Variants in PRKN observed in about 807,000 individuals in gnomAD.
PRKN encodes E3 ubiquitin-protein ligase parkin.
PRKN carries 56 observed loss-of-function variants against 59.5 expected under a neutral mutation model. That is an observed-to-expected ratio of 0.94 (90% CI 0.76 to 1.18). The LOEUF is 1.18. Ranked by LOEUF, PRKN falls within the 50% of genes most tolerant of loss-of-function variation. PRKN has a pLI of 0.00. For missense variants in PRKN, 657 were observed against 596.4 expected (o/e 1.10, Z -1.06); for synonymous variants, 250 against 222.1 (o/e 1.13, Z -1.12).
chr6:161,661,974 G>T (rs1784565013), intron 7 of PRKN, among the ~76,000 whole-genome samples: 1 of 152,100 alleles, frequency 6.6e-6, no homozygotes, highest in Non-Finnish European at 1.5e-5. Flanking sequence ...AGTGAGCCAA[G>T]ATTGCACCAC....
chr6:162,352,961 C>T (rs1001289820), intron 2 of PRKN, among the ~76,000 whole-genome samples: 11 of 152,064 alleles, frequency 7.2e-5, no homozygotes, highest in African/African-American at 2.2e-4. Flanking sequence ...AATGTGGGTT[C>T]CTTATTTCCT....
Position 161,584,407 on chromosome 6 carries a change from CA to C in PRKN, c.872-14992del, listed in dbSNP as rs1417449773. On this transcript the variant is annotated intron_variant, in intron 7 of 11. Coordinates refer to ENST00000366898, the MANE Select transcript of PRKN (RefSeq NM_004562.3). The surrounding 1 kb of genome is among the most constrained non-coding windows in gnomAD (Gnocchi z 4.8). Reference sequence around the variant, plus strand: ...GAAATTAAACATAATATAAAAAGCACAAAAATCTATTTTGTAAGATTAGTTA... The same window carrying C: ...GAAATTAAACATAATATAAAAAGCACAAAATCTATTTTGTAAGATTAGTTA... Among the ~76,000 whole-genome samples, 4 of 151,996 alleles carry C rather than the reference CA, an allele frequency of 2.6e-5. No individual in the cohort carries two copies. The highest frequency in any genetic ancestry group is 2.6e-4 in the Admixed American group (4 of 15,256).
At chr6:161,601,764 A>G (rs1024373941) in intron 7 of PRKN, among the ~76,000 whole-genome samples, 3 of 151,898 alleles carry the variant, frequency 2.0e-5, no homozygotes, top group Admixed American at 6.6e-5. Flanking sequence ...TTGTATTTTT[A>G]GTAGAGACGG....
intron 9 of PRKN, among the ~76,000 whole-genome samples, chr6:161,431,715 A>C (rs1005209536): frequency 1.3e-5 from 2 of 151,198 alleles, no homozygotes; most frequent in African/African-American, 4.9e-5. Flanking sequence ...CGGGTTCAAG[A>C]GATTCTCCTG....
chr6:162,686,097 AG>A (rs1779965848), intron 1 of PRKN, among the ~76,000 whole-genome samples: 1 of 152,218 alleles, frequency 6.6e-6, no homozygotes, highest in South Asian at 2.1e-4. Flanking sequence ...CATAAAAAAA[AG>A]TTAATTTTAA....
intron 6 of PRKN, among the ~76,000 whole-genome samples, chr6:161,897,970 A>AAAAAAAAAAAAAAAAAG (rs1318259484): frequency 7.2e-6 from 1 of 138,236 alleles, no homozygotes; most frequent in Non-Finnish European, 1.5e-5. Flanking sequence ...CCGTCTCAAA[A>AAAAAAAAAAAAAAAAAG]AAAAAAAAAA....
chr6:162,660,863 C>T (rs1346338623), intron 1 of PRKN, among the ~76,000 whole-genome samples: 2 of 152,158 alleles, frequency 1.3e-5, no homozygotes, highest in African/African-American at 4.8e-5. Context: ...TAGGAGAGTT[C>T]AAGTTCCTGG....
intron 1 of PRKN, among the ~76,000 whole-genome samples, chr6:162,465,731 G>A (rs1791381038): frequency 6.6e-6 from 1 of 152,190 alleles, no homozygotes; most frequent in African/African-American, 2.4e-5. Context: ...TACACACAGT[G>A]ACATGGACAT....
chr6:161,874,453 A>G (rs1320106518), intron 6 of PRKN, among the ~76,000 whole-genome samples: 1 of 102,440 alleles, frequency 9.8e-6, no homozygotes, highest in African/African-American at 4.2e-5. Context: ...TAAAATATAT[A>G]TTATATGTAA....
chr6:162,576,235 G>A (rs1780549149), intron 1 of PRKN, among the ~76,000 whole-genome samples: 1 of 152,088 alleles, frequency 6.6e-6, no homozygotes, highest in Admixed American at 6.6e-5. Context: ...TGCTGACTCA[G>A]TCTTAAAGTA....
At chr6:161,389,416 CAG>C (rs1356938444) in intron 9 of PRKN, among the ~76,000 whole-genome samples, 1 of 152,192 alleles carries the variant, frequency 6.6e-6, no homozygotes, top group East Asian at 1.9e-4. Flanking sequence ...CTTCTCACAG[CAG>C]AGAGACTGAA....
intron 2 of PRKN, among the ~76,000 whole-genome samples, chr6:162,330,075 C>T (rs1431737935): frequency 6.6e-6 from 1 of 152,186 alleles, no homozygotes; most frequent in Non-Finnish European, 1.5e-5. Context: ...GGAAAGAAAT[C>T]TGGTCCTCTA....
In PRKN at chr6:161,526,417, G is replaced by T. The variant is rs976254760; in HGVS notation, c.1083+22437C>A. 2.6e-5 allele frequency among the ~76,000 whole-genome samples: 4 copies of T among 152,282 alleles called. No individual in the cohort carries two copies. The highest frequency in any genetic ancestry group is 3.4e-3 in the Middle Eastern group (1 of 294). On this transcript the variant is annotated intron_variant, in intron 9 of 11. Coordinates refer to ENST00000366898, the MANE Select transcript of PRKN (RefSeq NM_004562.3). The surrounding 1 kb of genome is among the most constrained non-coding windows in gnomAD (Gnocchi z 4.1). ...CCTAAGCTACAACAATGGGCAAAAA[G>T]TTTCTCGAATGCACACAAACTAAAA...
chr6:162,692,039 T>C (rs751944640), intron 1 of PRKN, among the ~76,000 whole-genome samples: 16 of 152,142 alleles, frequency 1.1e-4, no homozygotes, highest in Non-Finnish European at 2.2e-4. Flanking sequence ...TTTAATTAGA[T>C]CCCATTTGTC....
At chr6:161,653,269 C>T (rs1784216040) in intron 7 of PRKN, among the ~76,000 whole-genome samples, 1 of 152,152 alleles carries the variant, frequency 6.6e-6, no homozygotes, top group Non-Finnish European at 1.5e-5. Context: ...CAGGCTGAGG[C>T]AGGAGAATTG....
chr6:161,908,302 G>A lies in PRKN; in HGVS notation c.734+65000C>T, dbSNP rs141965844. Among the ~76,000 whole-genome samples the A allele has an allele frequency of 1.2e-3, 179 of 152,226 alleles. 1 individual carries two copies. Among genetic ancestry groups the A allele is most frequent in the African/African-American group, 4.0e-3 (167 of 41,538 alleles). ...AGGTCCTAGTCTGAAAGAATCTTCC[G>A]GATGGAAACAGGGCATCTTGTTTAT... On this transcript the variant is annotated intron_variant, in intron 6 of 11. Coordinates refer to ENST00000366898, the MANE Select transcript of PRKN (RefSeq NM_004562.3).
At chr6:161,885,468 T>C (rs1352598126) in intron 6 of PRKN, among the ~76,000 whole-genome samples, 1 of 151,920 alleles carries the variant, frequency 6.6e-6, no homozygotes, top group East Asian at 1.9e-4. Flanking sequence ...ATAGAGACCA[T>C]CCTGGCTAAC....
intron 1 of PRKN, among the ~76,000 whole-genome samples, chr6:162,590,722 G>A (rs1271877623): frequency 6.6e-6 from 1 of 152,118 alleles, no homozygotes; most frequent in African/African-American, 2.4e-5. Context: ...GACTCATCAA[G>A]CTTTCATCAG....
At position 161,886,755 on chromosome 6, in the gene PRKN, AAAAAAT is replaced by A. The variant is rs1795169137; in HGVS notation, c.734+86541_734+86546del. Among the ~76,000 whole-genome samples, 20 of 140,288 alleles carry A rather than the reference AAAAAAT, an allele frequency of 1.4e-4. No homozygotes were observed. The South Asian group carries it at 4.7e-3, about 33-fold the overall frequency. The allele number at this position is 140,288 out of a possible 152,430, so 92.0% of individuals were successfully genotyped here. On this transcript the variant is annotated intron_variant, in intron 6 of 11. Coordinates refer to ENST00000366898, the MANE Select transcript of PRKN (RefSeq NM_004562.3). ...AAATAAAATAAAATAATAAAATAAA[AAAAAAT>A]AAAATAAAATGAATATTTAATAATA...
Sources: gnomAD v4.1 joint callset for allele counts (sites outside exome capture counted in the v4.1 genomes callset) on GRCh38, gnomAD v4.1.1 for gene constraint, Gnocchi (gnomAD v3.1) non-coding constraint, MANE v1.5 for transcripts, NCBI Gene and HGNC (gene_info 2026-07-23, HGNC 2026-07-21) for gene names.